The following SREBF1 variants were observed in gnomAD, a reference collection of about 807,000 sequenced individuals.
SREBF1 encodes the protein sterol regulatory element-binding protein 1.
SREBF1 carries 45 observed loss-of-function variants against 100.1 expected under a neutral mutation model. The observed-to-expected ratio is 0.45, with a 90% confidence interval of 0.35 to 0.58. SREBF1 has a LOEUF of 0.58. SREBF1 is among the 20% of genes least tolerant of loss of function. SREBF1 has a pLI of 0.00. For synonymous variants in SREBF1, 657 were observed against 681.8 expected, an observed-to-expected ratio of 0.96 and a Z score of 0.57; for missense variants, 1,324 against 1,539.4, an observed-to-expected ratio of 0.86 and a Z score of 2.34.
chr17:17,813,894 C>T (rs966226220), intron 16 of SREBF1, 125 bp from the exon 17 acceptor site: 5 of 1,021,684 alleles, frequency 4.9e-6, no homozygotes, highest in African/African-American at 3.2e-5. Context: ...GCCTCACACA[C>T]GTGCAATGCA....
intron 12 of SREBF1, chr17:17,815,537 G>A (rs529967568): frequency 3.0e-5 from 18 of 600,182 alleles, no homozygotes; most frequent in Non-Finnish European, 4.8e-5. Context: ...ACAACACTGA[G>A]GCCTGCCCTA....
At chr17:17,833,946 G>A (rs2035063942) in intron 1 of SREBF1, among the ~76,000 whole-genome samples, 1 of 151,924 alleles carries the variant, frequency 6.6e-6, no homozygotes, top group African/African-American at 2.4e-5. Context: ...ACTACAGCAT[G>A]GGCAAAAGAG....
Position 17,813,788 on chromosome 17 carries a change from G to T in SREBF1, c.2902-19C>A. The T allele has an allele frequency of 1.3e-6, 2 of 1,535,206 alleles. No homozygotes were observed. Among genetic ancestry groups the T allele is most frequent in the Non-Finnish European group, 1.7e-6 (2 of 1,146,198 alleles). On this transcript the variant is annotated intron_variant, in intron 16 of 18. Coordinates refer to ENST00000261646, the MANE Select transcript of SREBF1 (RefSeq NM_004176.5). The stretch of plus-strand genomic sequence containing the variant: ...GCACGGCCTGGGGGTGGCAGGCAGG[G>T]CAGGGGTCACCAGGGCTCCAGCTCT...
Position 17,817,254 on chromosome 17 carries a change from A to G in SREBF1, c.1606+2T>C. Reference sequence around the variant, plus strand: ...AAAGATGCCCAGGCTGGCCGGTCCCACCTCTGCTCTCGGTGCCCAGCACGT... The same window carrying G: ...AAAGATGCCCAGGCTGGCCGGTCCCGCCTCTGCTCTCGGTGCCCAGCACGT... On this transcript the variant is annotated splice_donor_variant, in intron 8 of 18. Transcript: ENST00000261646. LOFTEE classifies it high-confidence loss of function. The surrounding 1 kb of genome is among the most constrained non-coding windows in gnomAD (Gnocchi z 6.6). 6.2e-7 allele frequency: 1 copy of G among 1,606,270 alleles called. No individual in the cohort carries two copies. The highest frequency in any genetic ancestry group is 8.5e-7 in the Non-Finnish European group (1 of 1,177,262).
rs780085509 is a variant in SREBF1, at chr17:17,823,647, G to C, written c.92-3126C>G. The C allele has an allele frequency of 5.9e-6, 9 of 1,517,186 alleles. No individual in the cohort carries two copies. The South Asian group carries it at 1.0e-4, about 17-fold the overall frequency. 94.0% of individuals were successfully genotyped at this position (1,517,186 alleles called of 1,614,324 possible). A position where few individuals can be genotyped will look rare whatever the true frequency, so the allele number is the denominator to read the frequency against. On this transcript the variant is annotated intron_variant, in intron 1 of 18. Coordinates refer to ENST00000261646, the MANE Select transcript of SREBF1 (RefSeq NM_004176.5). ...CGGATTTTTGAAGCCGTTGAGCGCT[G>C]CGGCGCGCCCGCCCCGCCCCGCCCC...
chr17:17,823,381 A>G, intron 1 of SREBF1: 1 of 745,416 alleles, frequency 1.3e-6, no homozygotes. Flanking sequence ...GCGAGCTGGT[A>G]ACTGTCACAC....
intron 2 of SREBF1, 80 bp from the exon 3 acceptor site, chr17:17,819,805 A>C (rs2033952014): frequency 6.7e-7 from 1 of 1,483,242 alleles, no homozygotes; most frequent in Non-Finnish European, 9.0e-7. Flanking sequence ...TCTATCACCG[A>C]CTGGCCTTGG....
In SREBF1 at chr17:17,814,356, C is replaced by T; in HGVS notation, c.2790G>A (p.Leu930=). Reference sequence around the variant, plus strand: ...GACCAGACTCTGCCTTGGCACAGCCCAGCAGGGCCCGGGCAGCCTTGAAGG... The same window carrying T: ...GACCAGACTCTGCCTTGGCACAGCCTAGCAGGGCCCGGGCAGCCTTGAAGG... ...LHSFKAARAL[L]GCAKAESGPA... Residue 930 remains leucine, a synonymous_variant, in exon 16 of 19, where the codon CTG becomes CTA. Coordinates refer to ENST00000261646, the MANE Select transcript of SREBF1 (RefSeq NM_004176.5). 6.3e-7 allele frequency: 1 copy of T among 1,575,116 alleles called. No homozygotes were observed. Among genetic ancestry groups the T allele is most frequent in the Non-Finnish European group, 8.6e-7 (1 of 1,160,174 alleles).
chr17:17,835,008 C>G (rs1374699517), intron 1 of SREBF1, among the ~76,000 whole-genome samples: 1 of 152,098 alleles, frequency 6.6e-6, no homozygotes, highest in Non-Finnish European at 1.5e-5. Flanking sequence ...AAACAAAGGT[C>G]TGTATCAGAC....
chr17:17,836,901 C>G lies in SREBF1; in HGVS notation c.-84G>C, dbSNP rs565300608. ...AGGGAGCGCCGCCGCGGCCCCGGCT[C>G]TCAGTCGCCGCCGCCGCTCCGCGCG... is the stretch of plus-strand genomic sequence containing the variant. On this transcript the variant is annotated 5_prime_UTR_variant, in exon 1 of 19. Coordinates refer to ENST00000261646, the MANE Select transcript of SREBF1 (RefSeq NM_004176.5). 1 of 1,287,076 alleles carries G rather than the reference C, an allele frequency of 7.8e-7. No individual in the cohort carries two copies. The highest frequency in any genetic ancestry group is 1.0e-6 in the Non-Finnish European group (1 of 981,562). 79.7% of individuals were successfully genotyped at this position (1,287,076 alleles called of 1,614,324 possible).
At chr17:17,821,475 G>A (rs11656665) in intron 1 of SREBF1, among the ~76,000 whole-genome samples, 68,084 of 151,848 alleles carry the variant, frequency 0.45, 18,140 homozygotes, top group Non-Finnish European at 0.62. Flanking sequence ...TAGGAGCGAT[G>A]GGCCCCACAC....
At position 17,819,323 on chromosome 17, in the gene SREBF1, C is replaced by T; in HGVS notation, c.843G>A (p.Leu281=). ...ATGCCCTGCCCACGTCACCCACCGG[C>T]AAAGGCCCTGTCTGCACAGTGGTGC... is the stretch of plus-strand genomic sequence containing the variant. The part of the protein sequence containing the change: ...VSGTTVQTGP[L]PTLVSGGTIL... Residue 281 remains leucine (L), a synonymous_variant, in exon 4 of 19, where the codon TTG becomes TTA. Coordinates refer to ENST00000261646, the MANE Select transcript of SREBF1 (RefSeq NM_004176.5). 1 of 1,613,792 alleles carries T rather than the reference C, an allele frequency of 6.2e-7. No individual in the cohort carries two copies. Among genetic ancestry groups the T allele is most frequent in the South Asian group, 1.1e-5 (1 of 91,082 alleles).
intron 1 of SREBF1, among the ~76,000 whole-genome samples, chr17:17,830,311 G>A (rs1276353104): frequency 6.6e-6 from 1 of 152,258 alleles, no homozygotes; most frequent in African/African-American, 2.4e-5. Flanking sequence ...TTATAGGCGT[G>A]AGCCACTGCA....
rs555313544 is a variant in SREBF1, at chr17:17,819,320, C to T, written c.846G>A (p.Pro282=). ...CTTATGCCCTGCCCACGTCACCCAC[C>T]GGCAAAGGCCCTGTCTGCACAGTGG... ...SGTTVQTGPL[P]TLVSGGTILA... is the part of the protein sequence containing the mutation. The change falls in exon 4 of 19, where the codon CCG becomes CCA. Residue 282 remains proline (P), a splice_region_variant and synonymous_variant. Transcript: ENST00000261646. The T allele has an allele frequency of 6.8e-6, 11 of 1,613,758 alleles. No homozygotes were observed. Among genetic ancestry groups the T allele is most frequent in the East Asian group, 2.2e-5 (1 of 44,890 alleles).
intron 1 of SREBF1, 79 bp from the exon 2 acceptor site, chr17:17,820,600 C>A (rs755567365): frequency 6.4e-5 from 95 of 1,473,638 alleles, no homozygotes; most frequent in East Asian, 2.3e-4. Flanking sequence ...CCAAACACAA[C>A]CTTATTTGCA....
intron 1 of SREBF1, among the ~76,000 whole-genome samples, chr17:17,835,457 G>A (rs950622812): frequency 2.6e-5 from 4 of 152,200 alleles, no homozygotes; most frequent in Non-Finnish European, 4.4e-5. Flanking sequence ...GCAACCAGCT[G>A]GGCTCATCTG....
chr17:17,817,801 G>A lies in SREBF1; in HGVS notation c.1299C>T (p.Gly433=). Residue 433 remains glycine (G), a synonymous_variant, in exon 7 of 19, where the codon GGC becomes GGT. Transcript: ENST00000261646. This position sits in a 1 kb window ranked among gnomAD's most constrained non-coding sequence, Gnocchi z 6.6. ...ACAAGGGGCTGCTCTGGAAAGGTGA[G>A]CCAGCATCCGAGGGGGGTGGGGTCA... ...DTLTPPPSDA[G]SPFQSSPLSL... The A allele has an allele frequency of 6.2e-7, 1 of 1,613,562 alleles. No individual in the cohort carries two copies. Among genetic ancestry groups the A allele is most frequent in the Non-Finnish European group, 8.5e-7 (1 of 1,180,012 alleles).
chr17:17,816,189 G>GCCCCCCCC lies in SREBF1; in HGVS notation c.2214+17_2214+18insGGGGGGGG. On this transcript the variant is annotated intron_variant, in intron 11 of 18. Coordinates refer to ENST00000261646, the MANE Select transcript of SREBF1 (RefSeq NM_004176.5). ...AGAGAGCTGCAGGGATAAGCCCCCAGCCCCCCAACCCACTCACTGTCAGAA... is the reference window on the plus strand; with the variant it reads ...AGAGAGCTGCAGGGATAAGCCCCCAGCCCCCCCCCCCCCCAACCCACTCACTGTCAGAA... 1.4e-6 allele frequency: 1 copy of GCCCCCCCC among 709,202 alleles called. No individual in the cohort carries two copies. Among genetic ancestry groups the GCCCCCCCC allele is most frequent in the South Asian group, 2.3e-5 (1 of 43,878 alleles). The allele number at this position is 709,202 out of a possible 1,614,324, so 43.9% of individuals were successfully genotyped here. A position where few individuals can be genotyped will look rare whatever the true frequency, so the allele number is the denominator to read the frequency against.
In SREBF1 at chr17:17,818,208, G is replaced by T; in HGVS notation, c.1183+52C>A. 2.6e-6 allele frequency: 4 copies of T among 1,518,724 alleles called. 1 individual carries two copies. In the South Asian group the frequency reaches 4.5e-5, roughly 17 times the overall value. The allele number at this position is 1,518,724 out of a possible 1,614,324, so 94.1% of individuals were successfully genotyped here. A position where few individuals can be genotyped will look rare whatever the true frequency, so the allele number is the denominator to read the frequency against. On this transcript the variant is annotated intron_variant, in intron 6 of 18. Coordinates refer to ENST00000261646, the MANE Select transcript of SREBF1 (RefSeq NM_004176.5). ...AGGGATGGGGTGGGGCCGGGAGGTG[G>T]AGCAAGGCTAGAGAAGAGGCCAGAC...
Sources: allele counts gnomAD v4.1 joint callset (sites outside exome capture counted in the v4.1 genomes callset), GRCh38; gene constraint gnomAD v4.1.1; non-coding constraint Gnocchi (gnomAD v3.1); transcripts MANE v1.5; gene names NCBI Gene and HGNC (gene_info 2026-07-23, HGNC 2026-07-21).